Variants in TACC2 observed in about 807,000 individuals in gnomAD.
The protein encoded by TACC2 is transforming acidic coiled-coil containing protein 2.
Under a neutral mutation model 227.3 loss-of-function variants are expected in TACC2, and 137 were observed. The ratio of observed to expected loss-of-function variants is 0.60; its 90% CI spans 0.52 to 0.69. TACC2 has a LOEUF of 0.69. TACC2 is among the 30% of genes least tolerant of loss of function. TACC2 has a pLI of 0.00. For synonymous variants in TACC2, 1,523 were observed against 1,487.5 expected (o/e 1.02, Z -0.55); for missense variants, 3,470 against 3,694.4 (o/e 0.94, Z 1.57).
At chr10:122,152,716 TG>T (rs1273970311) in intron 7 of TACC2, among the ~76,000 whole-genome samples, 1 of 152,132 alleles carries the variant, frequency 6.6e-6, no homozygotes, top group Non-Finnish European at 1.5e-5. Context: ...CTGACGTAGT[TG>T]GGGAAATGGG....
chr10:122,025,584 T>TA (rs888521952), intron 2 of TACC2, among the ~76,000 whole-genome samples: 5 of 149,108 alleles, frequency 3.4e-5, no homozygotes, highest in African/African-American at 1.2e-4. Context: ...TATTTTATTT[T>TA]TTTTTTTGAG....
intron 2 of TACC2, chr10:122,023,759 G>A (rs927754877): frequency 2.0e-5 from 3 of 148,844 alleles, no homozygotes; most frequent in Admixed American, 6.8e-5. Flanking sequence ...AAACCTGCAC[G>A]TTGTGCACAT....
At chr10:122,166,687 G>A (rs1468892243) in intron 7 of TACC2, among the ~76,000 whole-genome samples, 1 of 152,178 alleles carries the variant, frequency 6.6e-6, no homozygotes, top group Admixed American at 6.5e-5. Flanking sequence ...GTGATTTGTA[G>A]GCATCTCAAA....
chr10:122,187,663 G>A (rs1205623423), intron 7 of TACC2, among the ~76,000 whole-genome samples: 1 of 151,916 alleles, frequency 6.6e-6, no homozygotes, highest in African/African-American at 2.4e-5. Flanking sequence ...GCTAATTTTT[G>A]TAGTTTTAGT....
chr10:122,210,249 C>A lies in TACC2; in HGVS notation c.5972-148C>A. 1 of 676,378 alleles carries A rather than the reference C, an allele frequency of 1.5e-6. No individual in the cohort carries two copies. The highest frequency in any genetic ancestry group is 2.6e-6 in the Non-Finnish European group (1 of 377,680). The allele number at this position is 676,378 out of a possible 1,614,324, so 41.9% of individuals were successfully genotyped here. On this transcript the variant is annotated intron_variant, in intron 8 of 22. Transcript: ENST00000369005. The surrounding 1 kb of genome is among the most constrained non-coding windows in gnomAD (Gnocchi z 4.6). ...AATTACGGGTAGGTCAGGTTCTGTA[C>A]CCAAGTAGTACACACAGTGATGGGC... is the stretch of plus-strand genomic sequence containing the variant.
rs1238220937 is a variant in TACC2 at position 122,086,151 on chromosome 10, A to G, written c.3651A>G (p.Pro1217=). Residue 1217 remains proline, a synonymous_variant, in exon 4 of 23, where the codon CCA becomes CCG. Coordinates refer to ENST00000369005, the MANE Select transcript of TACC2 (RefSeq NM_206862.4). ...TMDFSTHQAV[P]DPKELLLSGP... ...ATTTTTCTACACACCAGGCTGTCCC[A>G]GACCCAAAGGAGCTCCTGCTGTCTG... The G allele has an allele frequency of 6.2e-7, 1 of 1,613,516 alleles. No homozygotes were observed. The highest frequency in any genetic ancestry group is 1.3e-5 in the African/African-American group (1 of 74,928).
At chr10:122,132,757 G>A (rs770758569) in intron 6 of TACC2, 23 bp downstream of exon 6, 5 of 1,613,222 alleles carry the variant, frequency 3.1e-6, no homozygotes, top group Non-Finnish European at 4.2e-6. Flanking sequence ...CCCTGGAGCT[G>A]GTGATGAGAC....
Position 122,028,483 on chromosome 10 carries a change from G to A in TACC2, c.33+6469G>A, listed in dbSNP as rs565830347. ...TATACCTAAGTATTATGTTTTCTTT[G>A]GAGTGACCGTAAATGGTGTCATGTT... On this transcript the variant is annotated intron_variant, in intron 2 of 22. Coordinates refer to ENST00000369005, the MANE Select transcript of TACC2 (RefSeq NM_206862.4). 1.1e-4 allele frequency among the ~76,000 whole-genome samples: 17 copies of A among 152,074 alleles called. 1 individual carries two copies. Among genetic ancestry groups the A allele is most frequent in the African/African-American group, 3.9e-4 (16 of 41,494 alleles).
chr10:122,033,002 A>AACAAC, intron 2 of TACC2: 1 of 749,614 alleles, frequency 1.3e-6, no homozygotes, highest in South Asian at 1.5e-5. Flanking sequence ...ACAACAACAA[A>AACAAC]AACAAAAAAA....
chr10:122,075,879 A>G (rs1213392603), intron 3 of TACC2, among the ~76,000 whole-genome samples: 1 of 152,196 alleles, frequency 6.6e-6, no homozygotes, highest in Non-Finnish European at 1.5e-5. Flanking sequence ...AGCTCATGGC[A>G]GCCTCCGCCT....
intron 5 of TACC2, among the ~76,000 whole-genome samples, chr10:122,106,788 G>GT (rs2082852172): frequency 1.3e-5 from 2 of 152,210 alleles, no homozygotes; most frequent in South Asian, 4.1e-4. Context: ...ACAATCATAG[G>GT]TTTATCATTG....
At chr10:122,176,117 C>CTATA (rs35172894) in intron 7 of TACC2, among the ~76,000 whole-genome samples, 825 of 54,546 alleles carry the variant, frequency 0.015, 19 homozygotes, top group Non-Finnish European at 0.022. Flanking sequence ...CTCTCTCTCT[C>CTATA]TATATATATA....
intron 7 of TACC2, among the ~76,000 whole-genome samples, chr10:122,189,275 A>G (rs1195160785): frequency 1.3e-5 from 2 of 152,198 alleles, no homozygotes; most frequent in Non-Finnish European, 2.9e-5. Flanking sequence ...AGTTTCAAAA[A>G]TATCCATTTA....
At chr10:122,001,604 CAT>C (rs1315973552) in intron 1 of TACC2, among the ~76,000 whole-genome samples, 1 of 152,154 alleles carries the variant, frequency 6.6e-6, no homozygotes, top group Non-Finnish European at 1.5e-5. Context: ...GTATCCTTAT[CAT>C]ACAAAAAATA....
chr10:122,092,193 G>A (rs558081314), intron 5 of TACC2, among the ~76,000 whole-genome samples: 16 of 152,270 alleles, frequency 1.1e-4, no homozygotes, highest in African/African-American at 3.1e-4. Context: ...CTTTTCCAGC[G>A]TTGAATTCTT....
rs571454406 is a variant in TACC2 at position 122,050,317 on chromosome 10, G to T, written c.34-121G>T. 1 of 735,746 alleles carries T rather than the reference G, an allele frequency of 1.4e-6. No homozygotes were observed. The highest frequency in any genetic ancestry group is 2.7e-5 in the East Asian group (1 of 37,154). 45.6% of individuals were successfully genotyped at this position (735,746 alleles called of 1,614,324 possible). On this transcript the variant is annotated intron_variant, in intron 2 of 22. Coordinates refer to ENST00000369005, the MANE Select transcript of TACC2 (RefSeq NM_206862.4). The surrounding 1 kb of genome is among the most constrained non-coding windows in gnomAD (Gnocchi z 4.6). The stretch of plus-strand genomic sequence containing the variant: ...GCACATAGTAGGTGTTTCGTTGGAC[G>T]GCAGAGCAAGTGAACAACCTTACCT...
chr10:122,213,592 T>C (rs1264011022), intron 9 of TACC2, among the ~76,000 whole-genome samples: 1 of 152,226 alleles, frequency 6.6e-6, no homozygotes, highest in East Asian at 1.9e-4. Flanking sequence ...GCTGTGAAAA[T>C]GTGATTATCC....
chr10:122,096,573 A>G (rs1002273532), intron 5 of TACC2, among the ~76,000 whole-genome samples: 20 of 152,104 alleles, frequency 1.3e-4, no homozygotes, highest in Admixed American at 2.0e-4. Flanking sequence ...GTGCATGCCT[A>G]TAATCCCAGC....
chr10:122,228,041 G>A (rs2141377450), intron 14 of TACC2, 33 bp downstream of exon 14: 1 of 1,600,702 alleles, frequency 6.2e-7, no homozygotes, highest in Non-Finnish European at 8.5e-7. Flanking sequence ...AGATCACAGG[G>A]GATGAGGTGT....
Sources: gnomAD v4.1 joint callset for allele counts (sites outside exome capture counted in the v4.1 genomes callset) on GRCh38, gnomAD v4.1.1 for gene constraint, Gnocchi (gnomAD v3.1) non-coding constraint, MANE v1.5 for transcripts, NCBI Gene and HGNC (gene_info 2026-07-23, HGNC 2026-07-21) for gene names.